The following ZFYVE26 variants were observed in gnomAD, a reference collection of about 807,000 sequenced individuals.
The protein encoded by ZFYVE26 is zinc finger FYVE-type containing 26.
Under a neutral mutation model 276.5 loss-of-function variants are expected in ZFYVE26, and 181 were observed. The ratio of observed to expected loss-of-function variants is 0.65; its 90% CI spans 0.58 to 0.74. ZFYVE26 has a LOEUF of 0.74. Among genes scored for constraint, ZFYVE26 ranks in the 30% least tolerant of loss-of-function variants. The pLI, the probability that ZFYVE26 is intolerant of heterozygous loss-of-function variation, is 0.00. For synonymous variants in ZFYVE26, 1,129 were observed against 1,203.1 expected (o/e 0.94, Z 1.27); for missense variants, 2,821 against 3,097.9 (o/e 0.91, Z 2.12).
At chr14:67,741,894 T>G (rs2038418621), downstream of ZFYVE26, among the ~76,000 whole-genome samples, 1 of 152,200 alleles carries the variant, frequency 6.6e-6, no homozygotes, top group African/African-American at 2.4e-5. Context: ...CTTTCTGCTC[T>G]CCAGATAACT....
intron 16 of ZFYVE26, among the ~76,000 whole-genome samples, chr14:67,786,498 C>G (rs1240494303): frequency 3.3e-5 from 5 of 152,166 alleles, no homozygotes; most frequent in Non-Finnish European, 7.3e-5. Flanking sequence ...ATTGTTGTCC[C>G]AAGCCAAATA....
In ZFYVE26 at chr14:67,748,446, G is replaced by A. The variant is rs1322020342; in HGVS notation, c.7610C>T (p.Ser2537Phe). ...CCCCACTGCCCAAGGTCACTTCCTG[G>A]AGCCTGGGCCATGGGCACCCCGGGG... ...SHPRGAHGPGSRK is the reference protein window; with the variant it reads ...SHPRGAHGPGFRK The change falls in exon 42 of 42, where the codon TCC becomes TTC. Residue 2537 changes from serine (S) to phenylalanine (F), a missense_variant. Transcript: ENST00000347230. 6.2e-7 allele frequency: 1 copy of A among 1,612,170 alleles called. No homozygotes were observed. Among genetic ancestry groups the A allele is most frequent in the Non-Finnish European group, 8.5e-7 (1 of 1,179,856 alleles).
rs766956219 is a variant in ZFYVE26 at position 67,785,955 on chromosome 14, C to A, written c.3207G>T (p.Trp1069Cys). 2 of 1,614,080 alleles carry A rather than the reference C, an allele frequency of 1.2e-6. No homozygotes were observed. The highest frequency in any genetic ancestry group is 1.7e-6 in the Non-Finnish European group (2 of 1,180,044). ...CSITELLQMC[W>C]PSLSEDCVAS... ...CAACACAGTCCTCGCTTAGGCTGGG[C>A]CAGCACATCTGAAGCAGTTCAGTGA... Residue 1069 changes from tryptophan to cysteine, a missense_variant, in exon 18 of 42, where the codon TGG (tryptophan) becomes TGT (cysteine). Trp to Cys is a radical substitution (Grantham distance 215, BLOSUM62 -2). Coordinates refer to ENST00000347230, the MANE Select transcript of ZFYVE26 (RefSeq NM_015346.4).
chr14:67,799,010 C>G lies in ZFYVE26; in HGVS notation c.1640-388G>C, dbSNP rs1334202860. 6 of 1,149,062 alleles carry G rather than the reference C, an allele frequency of 5.2e-6. No homozygotes were observed. In the Admixed American group the frequency reaches 1.0e-4, roughly 19 times the overall value. The allele number at this position is 1,149,062 out of a possible 1,614,324, so 71.2% of individuals were successfully genotyped here. The stretch of plus-strand genomic sequence containing the variant: ...TACGGATACTCTCTGCCCTCAGATC[C>G]TGGGAAAAGTCTATTCCGTTCCCAG... On this transcript the variant is annotated intron_variant, in intron 10 of 41. Coordinates refer to ENST00000347230, the MANE Select transcript of ZFYVE26 (RefSeq NM_015346.4).
At chr14:67,751,426 C>CATGA in intron 40 of ZFYVE26, 1 of 433,860 alleles carries the variant, frequency 2.3e-6, no homozygotes, top group Non-Finnish European at 4.3e-6. Flanking sequence ...GCACTAAGTT[C>CATGA]TCACACTAAG....
At chr14:67,742,289 G>T (rs1211207707), downstream of ZFYVE26, among the ~76,000 whole-genome samples, 1 of 152,232 alleles carries the variant, frequency 6.6e-6, no homozygotes, top group East Asian at 1.9e-4. Context: ...CAGAGTTTCA[G>T]TTGGAGGATG....
At chr14:67,780,401 C>T (rs2039468397) in intron 22 of ZFYVE26, 56 bp from the exon 23 acceptor site, 1 of 1,488,810 alleles carries the variant, frequency 6.7e-7, no homozygotes, top group African/African-American at 1.4e-5. Flanking sequence ...CCTCCATGAA[C>T]AAGTCACTGG....
chr14:67,770,984 T>C (rs924530034), intron 28 of ZFYVE26, among the ~76,000 whole-genome samples: 3 of 152,012 alleles, frequency 2.0e-5, no homozygotes, highest in Non-Finnish European at 2.9e-5. Flanking sequence ...AATCAACTTT[T>C]ATTTTAGGTT....
chr14:67,764,948 TAC>T (rs1378473385), intron 32 of ZFYVE26, among the ~76,000 whole-genome samples: 1 of 152,248 alleles, frequency 6.6e-6, no homozygotes, highest in Non-Finnish European at 1.5e-5. Flanking sequence ...TTTTTTCATT[TAC>T]ATTACTGATA....
chr14:67,769,855 C>G, intron 28 of ZFYVE26, 125 bp from the exon 29 acceptor site: 1 of 1,339,018 alleles, frequency 7.5e-7, no homozygotes. Context: ...CTGCTTGGGT[C>G]TCTATTGGAA....
In ZFYVE26 at chr14:67,780,271, TGATG is replaced by T. The variant is rs2039463765; in HGVS notation, c.4640_4643del (p.Pro1547GlnfsTer4). On this transcript the variant is annotated frameshift_variant, in exon 23 of 42. Coordinates refer to ENST00000347230, the MANE Select transcript of ZFYVE26 (RefSeq NM_015346.4). LOFTEE classifies it high-confidence loss of function. ...CTTCTAGAATCATGTTCATGACAGTTGATGGGTCCTCAACACAACAGCTCCTCAA... is the reference window on the plus strand; with the variant it reads ...CTTCTAGAATCATGTTCATGACAGTTGGTCCTCAACACAACAGCTCCTCAA... 6.2e-7 allele frequency: 1 copy of T among 1,613,896 alleles called. No homozygotes were observed. The highest frequency in any genetic ancestry group is 8.5e-7 in the Non-Finnish European group (1 of 1,179,970).
At chr14:67,750,989 G>T (rs774802586) in intron 41 of ZFYVE26, 63 bp downstream of exon 41, 3 of 1,597,390 alleles carry the variant, frequency 1.9e-6, no homozygotes, top group African/African-American at 2.7e-5. Context: ...GGATAAAGGT[G>T]ACTAGGCAAG....
At chr14:67,753,823 G>A in intron 38 of ZFYVE26, 57 bp from the exon 39 acceptor site, 8 of 1,587,048 alleles carry the variant, frequency 5.0e-6, no homozygotes, top group Non-Finnish European at 6.0e-6. Context: ...GAATACTCTT[G>A]ACCAAGAATG....
Position 67,748,386 on chromosome 14 carries a change from T to G in ZFYVE26, c.*50A>C. ...AAGAGGTGGAGGGCATCGCCATCACTGCTGTTGCCCAGCTCTCAGGCCACG... is the reference window on the plus strand; with the variant it reads ...AAGAGGTGGAGGGCATCGCCATCACGGCTGTTGCCCAGCTCTCAGGCCACG... On this transcript the variant is annotated 3_prime_UTR_variant, in exon 42 of 42. Transcript: ENST00000347230. The G allele has an allele frequency of 6.3e-7, 1 of 1,591,476 alleles. No homozygotes were observed. Among genetic ancestry groups the G allele is most frequent in the Non-Finnish European group, 8.6e-7 (1 of 1,166,448 alleles).
chr14:67,761,622 A>C (rs1184142295), intron 34 of ZFYVE26, 38 bp from the exon 35 acceptor site: 26 of 1,585,928 alleles, frequency 1.6e-5, no homozygotes, highest in Non-Finnish European at 2.2e-5. Context: ...AATGAAACTC[A>C]AAAAGTTCTC....
At chr14:67,758,079 A>C (rs61011477) in intron 35 of ZFYVE26, among the ~76,000 whole-genome samples, 2,437 of 152,248 alleles carry the variant, frequency 0.016, 79 homozygotes, top group African/African-American at 0.055. Flanking sequence ...TTTAATAATC[A>C]TCTTGGCATT....
chr14:67,783,196 G>C lies in ZFYVE26; in HGVS notation c.3956C>G (p.Ala1319Gly). Residue 1319 changes from alanine to glycine, a missense_variant, in exon 21 of 42, where the codon GCC becomes GGC. Transcript: ENST00000347230. ...TAACCTCGGGGAAGCCCCCAGGCAG[G>C]CCACCGTAGCTAGGAGCTTTGAGCG... ...KSRSKLLATV[A>G]CLGASPRLKV... is the part of the protein sequence containing the mutation. The C allele has an allele frequency of 6.2e-7, 1 of 1,612,250 alleles. No homozygotes were observed.
At chr14:67,740,779 G>A (rs1235066263) in intron 13 of ZFYVE26, among the ~76,000 whole-genome samples, 1 of 152,046 alleles carries the variant, frequency 6.6e-6, no homozygotes, top group Non-Finnish European at 1.5e-5. Context: ...GCAGTGGCAG[G>A]CGCCTGTAAT....
intron 16 of ZFYVE26, 131 bp from the exon 17 acceptor site, chr14:67,786,364 C>T (rs778907493): frequency 8.4e-7 from 1 of 1,187,996 alleles, no homozygotes; most frequent in Non-Finnish European, 1.2e-6. Flanking sequence ...ACATGCTGTG[C>T]CATTTTGGGT....
Sources: gnomAD v4.1 joint callset for allele counts (sites outside exome capture counted in the v4.1 genomes callset) on GRCh38, gnomAD v4.1.1 for gene constraint, MANE v1.5 for transcripts, NCBI Gene and HGNC (gene_info 2026-07-23, HGNC 2026-07-21) for gene names.